Variants in MECOM observed in about 807,000 individuals in gnomAD.
The protein encoded by MECOM is MDS1 and EVI1 complex locus.
MECOM carries 13 observed loss-of-function variants against 116.3 expected under a neutral mutation model. The ratio of observed to expected loss-of-function variants is 0.11; its 90% CI spans 0.07 to 0.18. The LOEUF (loss-of-function observed/expected upper bound fraction) is 0.18, where lower values mean the gene tolerates loss of function less well. Ranked by LOEUF, MECOM falls within the 10% of genes least tolerant of loss-of-function variation. The probability of loss-of-function intolerance (pLI) is 1.00; values close to 1 mark genes in which losing one functional copy is unlikely to be tolerated. For synonymous variants in MECOM, 528 were observed against 535.2 expected (o/e 0.99, Z 0.19); for missense variants, 1,299 against 1,509.0 (o/e 0.86, Z 2.31).
At chr3:169,143,869 T>G in intron 2 of MECOM, 37 bp from the exon 3 acceptor site, 1 of 1,551,310 alleles carries the variant, frequency 6.4e-7, no homozygotes, top group Non-Finnish European at 8.7e-7. Flanking sequence ...AATTGCCATA[T>G]TGGCCCACTC....
At chr3:169,387,672 A>G (rs1365920075) in intron 1 of MECOM, among the ~76,000 whole-genome samples, 1 of 152,184 alleles carries the variant, frequency 6.6e-6, no homozygotes, top group Non-Finnish European at 1.5e-5. Flanking sequence ...GAAGTTAATT[A>G]TTTATACTCA....
chr3:169,312,002 G>A (rs558485630), intron 2 of MECOM, among the ~76,000 whole-genome samples: 2 of 152,328 alleles, frequency 1.3e-5, no homozygotes, highest in East Asian at 3.9e-4. Flanking sequence ...TAGGTGGTAG[G>A]AGATGAGGTC....
At chr3:169,528,927 CA>C (rs932128644) in intron 1 of MECOM, among the ~76,000 whole-genome samples, 2 of 152,080 alleles carry the variant, frequency 1.3e-5, no homozygotes, top group African/African-American at 2.4e-5. Flanking sequence ...ACTAAAACAA[CA>C]AATAATCTTT....
At chr3:169,398,824 T>A (rs1735411979) in intron 1 of MECOM, among the ~76,000 whole-genome samples, 1 of 152,028 alleles carries the variant, frequency 6.6e-6, no homozygotes, top group Non-Finnish European at 1.5e-5. Context: ...AAGTCTTAGG[T>A]GCTCAGCAGA....
chr3:169,101,016 C>T (rs950915127), intron 11 of MECOM, 54 bp from the exon 12 acceptor site: 15 of 1,299,036 alleles, frequency 1.2e-5, no homozygotes, highest in African/African-American at 1.5e-5. Context: ...CTATATTTCA[C>T]TCATGCCACA....
chr3:169,469,346 A>G (rs1207477017), intron 1 of MECOM, among the ~76,000 whole-genome samples: 3 of 152,206 alleles, frequency 2.0e-5, no homozygotes, highest in Admixed American at 6.5e-5. Context: ...CAGGGAGTCT[A>G]TATCTACAAT....
chr3:169,590,000 C>A (rs1293642339), intron 1 of MECOM, among the ~76,000 whole-genome samples: 3 of 152,148 alleles, frequency 2.0e-5, no homozygotes, highest in Non-Finnish European at 4.4e-5. Flanking sequence ...TCAGCACTAC[C>A]CTTTCTTGGC....
At chr3:169,448,090 G>A (rs1744949615) in intron 1 of MECOM, among the ~76,000 whole-genome samples, 1 of 152,178 alleles carries the variant, frequency 6.6e-6, no homozygotes, top group Non-Finnish European at 1.5e-5. Context: ...AGCTATTATA[G>A]TGATGATGGC....
intron 1 of MECOM, among the ~76,000 whole-genome samples, chr3:169,531,203 A>G (rs910371230): frequency 1.3e-5 from 2 of 152,172 alleles, no homozygotes; most frequent in Non-Finnish European, 2.9e-5. Context: ...AAACTATCTC[A>G]GTGCCATTAT....
At chr3:169,613,635 C>T (rs1769561967) in intron 1 of MECOM, 1 of 152,232 alleles carries the variant, frequency 6.6e-6, no homozygotes, top group Admixed American at 6.5e-5. Flanking sequence ...CCTTACTCTG[C>T]TTCAAAGCCA....
chr3:169,571,036 A>G (rs967791181), intron 1 of MECOM, among the ~76,000 whole-genome samples: 2 of 152,358 alleles, frequency 1.3e-5, no homozygotes, highest in Non-Finnish European at 2.9e-5. Flanking sequence ...ATAGGAAAAA[A>G]AAGGAAGTCA....
chr3:169,258,097 G>A (rs956121685), intron 2 of MECOM, among the ~76,000 whole-genome samples: 17 of 152,148 alleles, frequency 1.1e-4, no homozygotes, highest in African/African-American at 4.1e-4. Context: ...GTGCGCTCCT[G>A]TAATCCCAGC....
In MECOM at chr3:169,381,528, T is replaced by C. The variant is rs773643147; in HGVS notation, c.38-4A>G. 3.2e-6 allele frequency: 5 copies of C among 1,561,440 alleles called. No individual in the cohort carries two copies. The South Asian group carries it at 6.0e-5, about 19-fold the overall frequency. On this transcript the variant is annotated splice_polypyrimidine_tract_variant and splice_region_variant and intron_variant, in intron 1 of 16. Transcript: ENST00000651503. ...TTGCCATATACACACTCATTATCTG[T>C]GAATAAATAAGAACTTCATGAATTC... is the stretch of plus-strand genomic sequence containing the variant.
In MECOM at chr3:169,089,010, G is replaced by A; in HGVS notation, c.3575C>T (p.Ser1192Phe). The change falls in exon 16 of 17, where the codon TCC becomes TTC. Residue 1192 changes from serine (S) to phenylalanine (F), a missense_variant. This residue lies in a region of MECOM where 273 missense variants were observed against 289.3 expected (regional missense o/e 0.94). Transcript: ENST00000651503. ...EELKQPLHRK[S>F]KSQAYAMMLS... ...TGGGAAAATCTGTACCTGCGATTTGGACTTTCTGTGTAACGGCTGCTTAAG... is the reference window on the plus strand; with the variant it reads ...TGGGAAAATCTGTACCTGCGATTTGAACTTTCTGTGTAACGGCTGCTTAAG... The A allele has an allele frequency of 6.3e-7, 1 of 1,594,326 alleles. No homozygotes were observed. The highest frequency in any genetic ancestry group is 8.5e-7 in the Non-Finnish European group (1 of 1,172,362).
chr3:169,177,717 G>C (rs114595991), intron 2 of MECOM, among the ~76,000 whole-genome samples: 217 of 152,234 alleles, frequency 1.4e-3, no homozygotes, highest in African/African-American at 5.1e-3. Context: ...AGGAGTTCCA[G>C]ACCAGCCTGG....
intron 2 of MECOM, among the ~76,000 whole-genome samples, chr3:169,256,835 A>G (rs143641487): frequency 0.011 from 1,714 of 152,324 alleles, 30 homozygotes; most frequent in African/African-American, 0.039. Context: ...CAGATGTGGA[A>G]ACTGAGGCCA....
rs1475314947 is a variant in MECOM, at chr3:169,418,124, A to AC, written c.38-36601dup. Among the ~76,000 whole-genome samples the AC allele has an allele frequency of 1.7e-3, 249 of 150,140 alleles. 4 individuals carry two copies. Among genetic ancestry groups the AC allele is most frequent in the African/African-American group, 5.0e-3 (206 of 41,002 alleles). On this transcript the variant is annotated intron_variant, in intron 1 of 16. Coordinates refer to ENST00000651503, the MANE Select transcript of MECOM (RefSeq NM_004991.4). ...AAGTATAATAATAAAAAAAAACTAA[A>AC]CAAAAAAAAAAAAAGAAAATCTAGA... is the stretch of plus-strand genomic sequence containing the variant.
intron 2 of MECOM, among the ~76,000 whole-genome samples, chr3:169,223,340 G>C (rs776352655): frequency 4.8e-5 from 6 of 126,146 alleles, no homozygotes; most frequent in Middle Eastern, 0.013. Flanking sequence ...CTGTGTCCAA[G>C]TGTTCTCATT....
chr3:169,628,182 T>A (rs1368619706), intron 1 of MECOM, among the ~76,000 whole-genome samples: 3 of 152,192 alleles, frequency 2.0e-5, no homozygotes, highest in Non-Finnish European at 4.4e-5. Flanking sequence ...GGTGTTCAGC[T>A]CCAACTGCTG....
Sources: allele counts gnomAD v4.1 joint callset (sites outside exome capture counted in the v4.1 genomes callset), GRCh38; gene constraint gnomAD v4.1.1; regional missense constraint gnomAD v4.1.1; transcripts MANE v1.5; gene names NCBI Gene and HGNC (gene_info 2026-07-23, HGNC 2026-07-21).